Variants in VWF observed in about 807,000 individuals in gnomAD.
VWF encodes Factor VIII related antigen.
A neutral mutation model predicts 308.6 loss-of-function variants in VWF; 176 were observed. The observed-to-expected ratio is 0.57, with a 90% confidence interval of 0.50 to 0.65. VWF has a LOEUF of 0.65. Ranked by LOEUF, VWF falls within the 30% of genes least tolerant of loss-of-function variation. VWF has a pLI of 0.00. For missense variants in VWF, 3,146 were observed against 3,648.2 expected, an observed-to-expected ratio of 0.86 and a Z score of 3.55; for synonymous variants, 1,385 against 1,443.4, an observed-to-expected ratio of 0.96 and a Z score of 0.92.
At chr12:6,122,197 A>G (rs1410258343) in intron 2 of VWF, among the ~76,000 whole-genome samples, 4 of 152,154 alleles carry the variant, frequency 2.6e-5, no homozygotes, top group African/African-American at 9.7e-5. Context: ...TGGCTGCATT[A>G]TATTTTGCAT....
intron 47 of VWF, among the ~76,000 whole-genome samples, chr12:5,963,775 C>T (rs183091020): frequency 3.5e-4 from 53 of 152,278 alleles, no homozygotes; most frequent in East Asian, 1.9e-3. Flanking sequence ...CTTGTTGAAG[C>T]GGCATAAGGT....
At position 6,057,877 on chromosome 12, in the gene VWF, G is replaced by C. The variant is rs992461922; in HGVS notation, c.1701C>G (p.Ser567Arg). The change falls in exon 14 of 52, where the codon AGC becomes AGG. Residue 567 changes from serine to arginine, a missense_variant. Transcript: ENST00000261405. The part of the protein sequence containing the change: ...GDCQDLQKQH[S>R]DPCALNPRMT... Reference sequence around the variant, plus strand: ...TGCGCGGGTTGAGGGCGCAGGGATCGCTGTGCTGCTTCTGCAGGTCCTGGC... The same window carrying C: ...TGCGCGGGTTGAGGGCGCAGGGATCCCTGTGCTGCTTCTGCAGGTCCTGGC... 3.1e-6 allele frequency: 5 copies of C among 1,611,080 alleles called. No individual in the cohort carries two copies. Among genetic ancestry groups the C allele is most frequent in the Non-Finnish European group, 4.2e-6 (5 of 1,178,650 alleles).
chr12:6,031,477 C>T lies in VWF; in HGVS notation c.2787G>A (p.Val929=). 2 of 1,614,188 alleles carry T rather than the reference C, an allele frequency of 1.2e-6. No individual in the cohort carries two copies. Among genetic ancestry groups the T allele is most frequent in the Non-Finnish European group, 1.7e-6 (2 of 1,180,034 alleles). The change falls in exon 21 of 52, where the codon GTG becomes GTA. Residue 929 remains valine (V), a synonymous_variant. Transcript: ENST00000261405. ...CAAACAGCTCAATCTCTCCTCCCTC[C>T]ACCAGGATGGTGACCCGTTTCTTGC... is the stretch of plus-strand genomic sequence containing the variant. ...VKCKKRVTIL[V]EGGEIELFDG...
At chr12:5,991,119 C>T (rs1943736738) in intron 38 of VWF, among the ~76,000 whole-genome samples, 1 of 151,024 alleles carries the variant, frequency 6.6e-6, no homozygotes, top group Non-Finnish European at 1.5e-5. Context: ...TTATGAGTGA[C>T]ACAGGATACA....
Position 6,057,082 on chromosome 12 carries a change from G to GA in VWF, c.1730-11dup, listed in dbSNP as rs1565846872. On this transcript the variant is annotated splice_polypyrimidine_tract_variant and intron_variant, in intron 14 of 51. Coordinates refer to ENST00000261405, the MANE Select transcript of VWF (RefSeq NM_000552.5). ...TCCTCGGAGAACCTGGCTGTGGGGCGAGAGGAGCGAGCCTGGGATGTGGTG... is the reference window on the plus strand; with the variant it reads ...TCCTCGGAGAACCTGGCTGTGGGGCGAAGAGGAGCGAGCCTGGGATGTGGTG... 1 of 1,531,430 alleles carries GA rather than the reference G, an allele frequency of 6.5e-7. No individual in the cohort carries two copies. Among genetic ancestry groups the GA allele is most frequent in the Non-Finnish European group, 8.7e-7 (1 of 1,144,984 alleles). 94.9% of individuals were successfully genotyped at this position (1,531,430 alleles called of 1,614,324 possible).
intron 3 of VWF, among the ~76,000 whole-genome samples, chr12:6,116,036 C>T (rs1945361082): frequency 6.6e-6 from 1 of 152,192 alleles, no homozygotes; most frequent in Non-Finnish European, 1.5e-5. Flanking sequence ...ACCAGCCTTG[C>T]ATTTTATTTC....
rs1314176886 is a variant in VWF, at chr12:6,020,914, T to C, written c.3674+986A>G. 6.6e-6 allele frequency among the ~76,000 whole-genome samples: 1 copy of C among 152,116 alleles called. No individual in the cohort carries two copies. The highest frequency in any genetic ancestry group is 6.5e-5 in the Admixed American group (1 of 15,284). On this transcript the variant is annotated intron_variant, in intron 27 of 51. Coordinates refer to ENST00000261405, the MANE Select transcript of VWF (RefSeq NM_000552.5). This position sits in a 1 kb window ranked among gnomAD's most constrained non-coding sequence, Gnocchi z 4.3. ...AGAGGGCTCGAAGCTCTCATGCCCT[T>C]TTGGCACAGAACCCCAAGCCAGCAT...
intron 19 of VWF, among the ~76,000 whole-genome samples, 193 bp downstream of exon 19, chr12:6,036,195 C>T (rs1591875362): frequency 1.3e-5 from 2 of 152,184 alleles, no homozygotes; most frequent in East Asian, 3.8e-4. Flanking sequence ...AGTGTCTATG[C>T]AGGATGGACA....
intron 6 of VWF, among the ~76,000 whole-genome samples, chr12:6,093,007 T>A (rs1945067755): frequency 6.6e-6 from 1 of 152,024 alleles, no homozygotes; most frequent in South Asian, 2.1e-4. Context: ...GCTTTCAGTT[T>A]CTACCAGAGG....
At chr12:5,993,724 C>G in intron 37 of VWF, 138 bp downstream of exon 37, 1 of 715,094 alleles carries the variant, frequency 1.4e-6, no homozygotes, top group East Asian at 2.7e-5. Context: ...CTTATTTGAT[C>G]CTAACTGGAA....
intron 34 of VWF, among the ~76,000 whole-genome samples, chr12:6,004,471 G>A (rs572523408): frequency 2.7e-4 from 41 of 151,664 alleles, no homozygotes; most frequent in African/African-American, 8.7e-4. Context: ...GTGTGTGTGC[G>A]TGTGTGTGTG....
chr12:6,042,976 G>T (rs923836441), intron 18 of VWF, among the ~76,000 whole-genome samples: 2 of 152,158 alleles, frequency 1.3e-5, no homozygotes, highest in African/African-American at 4.8e-5. Context: ...GGATAAAGAA[G>T]AGCAATAAGG....
intron 34 of VWF, among the ~76,000 whole-genome samples, chr12:5,998,024 T>C (rs1170309144): frequency 6.6e-6 from 1 of 152,208 alleles, no homozygotes; most frequent in Non-Finnish European, 1.5e-5. Flanking sequence ...CTTCAACATC[T>C]TCTTACTCAT....
chr12:5,996,095 A>G lies in VWF; in HGVS notation c.5970T>C (p.Asn1990=). The G allele has an allele frequency of 6.2e-7, 1 of 1,614,104 alleles. No homozygotes were observed. The highest frequency in any genetic ancestry group is 8.5e-7 in the Non-Finnish European group (1 of 1,180,006). ...GCCTTGCTCCAGGGCTGCAGGCACCATTATGGAGAATCACCTCCAGGTCCT... is the reference window on the plus strand; with the variant it reads ...GCCTTGCTCCAGGGCTGCAGGCACCGTTATGGAGAATCACCTCCAGGTCCT... The part of the protein sequence containing the change: ...KEQDLEVILH[N]GACSPGARQG... The change falls in exon 35 of 52, where the codon AAT becomes AAC. Residue 1990 remains asparagine (N), a synonymous_variant. Coordinates refer to ENST00000261405, the MANE Select transcript of VWF (RefSeq NM_000552.5).
intron 16 of VWF, among the ~76,000 whole-genome samples, chr12:6,052,329 G>C (rs140373662): frequency 3.9e-5 from 6 of 152,294 alleles, no homozygotes; most frequent in Non-Finnish European, 8.8e-5. Context: ...AACTCCTACT[G>C]CCAGCCAGGA....
intron 5 of VWF, 39 bp downstream of exon 5, chr12:6,110,335 G>A (rs140378028): frequency 4.4e-6 from 7 of 1,601,434 alleles, no homozygotes; most frequent in African/African-American, 1.3e-5. Flanking sequence ...TAAAAAGCAT[G>A]GCCACACTTT....
rs756689338 is a variant in VWF at position 5,992,026 on chromosome 12, C to T, written c.6599-8G>A. Reference sequence around the variant, plus strand: ...ATGGTGGGCATGACATAGCTGTAGACAGAGAAGGAGGTCACTTGCAAAGGC... The same window carrying T: ...ATGGTGGGCATGACATAGCTGTAGATAGAGAAGGAGGTCACTTGCAAAGGC... On this transcript the variant is annotated splice_polypyrimidine_tract_variant and splice_region_variant and intron_variant, in intron 37 of 51. Transcript: ENST00000261405. The T allele has an allele frequency of 5.0e-6, 8 of 1,613,754 alleles. No individual in the cohort carries two copies. In the African/African-American group the frequency reaches 8.0e-5, roughly 16 times the overall value.
At chr12:5,990,647 T>C (rs989447188) in intron 38 of VWF, among the ~76,000 whole-genome samples, 2 of 151,860 alleles carry the variant, frequency 1.3e-5, no homozygotes, top group African/African-American at 4.8e-5. Context: ...CAAATATGCT[T>C]CTATCTCTAC....
At chr12:6,065,578 C>A (rs1237900965) in intron 10 of VWF, among the ~76,000 whole-genome samples, 3 of 152,244 alleles carry the variant, frequency 2.0e-5, no homozygotes, top group Non-Finnish European at 4.4e-5. Flanking sequence ...TGCTTCCAGG[C>A]TCCCTGCAGC....
Sources: allele counts gnomAD v4.1 joint callset (sites outside exome capture counted in the v4.1 genomes callset), GRCh38; gene constraint gnomAD v4.1.1; non-coding constraint Gnocchi (gnomAD v3.1); transcripts MANE v1.5; gene names NCBI Gene and HGNC (gene_info 2026-07-23, HGNC 2026-07-21).